The following RIN2 variants were observed in gnomAD, a reference collection of about 807,000 sequenced individuals.
RIN2 encodes the protein RAB5 interacting protein 2.
Under a neutral mutation model 78.0 loss-of-function variants are expected in RIN2, and 36 were observed. That is an observed-to-expected ratio of 0.46 (90% CI 0.35 to 0.61). RIN2 has a LOEUF of 0.61. Among genes scored for constraint, RIN2 ranks in the 20% least tolerant of loss-of-function variants. RIN2 has a pLI of 0.00. For missense variants in RIN2, 1,087 were observed against 1,159.7 expected (o/e 0.94, Z 0.91); for synonymous variants, 466 against 466.8 (o/e 1.00, Z 0.02).
At chr20:19,995,530 C>T (rs950006169) in intron 11 of RIN2, among the ~76,000 whole-genome samples, 4 of 152,128 alleles carry the variant, frequency 2.6e-5, no homozygotes, top group Admixed American at 2.6e-4. Flanking sequence ...AGGACAAAAA[C>T]TATGAAGGAA....
At chr20:19,834,876 C>T (rs2036360674) in intron 2 of RIN2, among the ~76,000 whole-genome samples, 1 of 151,098 alleles carries the variant, frequency 6.6e-6, no homozygotes. Flanking sequence ...TCCAGGAGGT[C>T]AAGGCTGCAA....
intron 3 of RIN2, chr20:19,934,438 A>G (rs533494655): frequency 2.0e-6 from 2 of 981,886 alleles, no homozygotes; most frequent in African/African-American, 3.5e-5. Context: ...GTGCATGGAT[A>G]GGTGGGGATC....
chr20:19,844,651 CTTCTTCTTCTTCTTCTTCCTT>C (rs2036702048), intron 2 of RIN2, among the ~76,000 whole-genome samples: 5 of 106,514 alleles, frequency 4.7e-5, no homozygotes, highest in Admixed American at 2.9e-4. Flanking sequence ...TCTTCTTCTT[CTTCTTCTTCTTCTTCTTCCTT>C]CTTCTTCTTC....
rs1034394004 is a variant in RIN2 at position 19,867,019 on chromosome 20, T to C, written c.-36-22547T>C. On this transcript the variant is annotated intron_variant, in intron 2 of 12. Transcript: ENST00000255006. ...TCTTGTTTATTTTTATTTTTTTTTT[T>C]GTTTAATGGAATGCATTTTTACATT... Among the ~76,000 whole-genome samples, 8 of 148,566 alleles carry C rather than the reference T, an allele frequency of 5.4e-5. No individual in the cohort carries two copies. In the East Asian group the frequency reaches 8.0e-4, roughly 15 times the overall value.
intron 9 of RIN2, among the ~76,000 whole-genome samples, chr20:19,985,304 G>T (rs1438050107): frequency 6.6e-6 from 1 of 152,182 alleles, no homozygotes; most frequent in Non-Finnish European, 1.5e-5. Flanking sequence ...AGTAATAAGA[G>T]TGAATCACTT....
At chr20:19,947,850 A>G (rs1397500859) in intron 4 of RIN2, among the ~76,000 whole-genome samples, 1 of 152,186 alleles carries the variant, frequency 6.6e-6, no homozygotes. Context: ...TGTAGATTCC[A>G]CCAGGATTGG....
chr20:19,788,629 C>A (rs891658752), intron 1 of RIN2, among the ~76,000 whole-genome samples: 3 of 150,126 alleles, frequency 2.0e-5, no homozygotes, highest in African/African-American at 7.4e-5. Flanking sequence ...TTAAAATTGC[C>A]ATTACTCAGG....
At chr20:19,929,979 A>G (rs2040375849) in intron 3 of RIN2, among the ~76,000 whole-genome samples, 1 of 151,968 alleles carries the variant, frequency 6.6e-6, no homozygotes, top group African/African-American at 2.4e-5. Flanking sequence ...TCTGAGAGGC[A>G]GGACTGGCCC....
chr20:19,790,256 C>T (rs2034846751), intron 1 of RIN2, among the ~76,000 whole-genome samples: 1 of 152,152 alleles, frequency 6.6e-6, no homozygotes, highest in Admixed American at 6.5e-5. Context: ...CATACACCCA[C>T]CGACACCAGC....
chr20:19,990,292 G>A lies in RIN2; in HGVS notation c.2049G>A (p.Thr683=), dbSNP rs753883815. 1.2e-5 allele frequency: 19 copies of A among 1,612,414 alleles called. No individual in the cohort carries two copies. Among genetic ancestry groups the A allele is most frequent in the Admixed American group, 3.3e-5 (2 of 59,946 alleles). The stretch of plus-strand genomic sequence containing the variant: ...TGCGGGTCTGCAAGCTCATTTACAC[G>A]GTCATGGAGAACAACTCAGGTGAGG... ...LLLRVCKLIY[T]VMENNSGRMY... Residue 683 remains threonine (T), a synonymous_variant, in exon 10 of 13, where the codon ACG becomes ACA. Transcript: ENST00000255006.
intron 3 of RIN2, among the ~76,000 whole-genome samples, chr20:19,908,214 A>C (rs369588970): frequency 6.6e-6 from 1 of 152,274 alleles, no homozygotes; most frequent in East Asian, 1.9e-4. Context: ...GACATCGGCC[A>C]GGCGCGGTGG....
intron 1 of RIN2, among the ~76,000 whole-genome samples, chr20:19,795,831 C>T (rs888738850): frequency 3.3e-5 from 5 of 152,192 alleles, no homozygotes; most frequent in Non-Finnish European, 7.3e-5. Context: ...ACAACACACA[C>T]TGAAGTAACA....
At chr20:19,837,599 A>G (rs1432100327) in intron 2 of RIN2, among the ~76,000 whole-genome samples, 1 of 152,196 alleles carries the variant, frequency 6.6e-6, no homozygotes, top group African/African-American at 2.4e-5. Context: ...ATTATAAGTT[A>G]AGTATATTAT....
chr20:19,898,383 A>G (rs2038832929), intron 3 of RIN2, among the ~76,000 whole-genome samples: 1 of 152,208 alleles, frequency 6.6e-6, no homozygotes, highest in African/African-American at 2.4e-5. Flanking sequence ...AAGAAGGAAG[A>G]TGTAGTTTTG....
At chr20:19,903,069 G>A (rs2039055168) in intron 3 of RIN2, among the ~76,000 whole-genome samples, 1 of 151,870 alleles carries the variant, frequency 6.6e-6, no homozygotes, top group Non-Finnish European at 1.5e-5. Flanking sequence ...CTCCAGCCTG[G>A]GCAACAGAGC....
intron 2 of RIN2, among the ~76,000 whole-genome samples, chr20:19,871,726 A>C (rs539187095): frequency 6.6e-6 from 1 of 152,306 alleles, no homozygotes; most frequent in South Asian, 2.1e-4. Flanking sequence ...CTCTACTCTG[A>C]AGGAGGTAGA....
At chr20:19,989,329 A>G (rs897673584) in intron 9 of RIN2, among the ~76,000 whole-genome samples, 1 of 142,328 alleles carries the variant, frequency 7.0e-6, no homozygotes, top group Admixed American at 7.6e-5. Flanking sequence ...GTTGGAGTGC[A>G]GTGGCACAAT....
intron 2 of RIN2, among the ~76,000 whole-genome samples, chr20:19,870,951 G>A (rs537724672): frequency 3.3e-5 from 5 of 152,212 alleles, no homozygotes; most frequent in African/African-American, 4.8e-5. Context: ...AGTTACTATC[G>A]GTCCCCTTGC....
intron 9 of RIN2, among the ~76,000 whole-genome samples, chr20:19,984,833 CCATTATGAAGCATGTGAT>C (rs2042575751): frequency 6.6e-6 from 1 of 152,126 alleles, no homozygotes; most frequent in Non-Finnish European, 1.5e-5. Context: ...CCAAAACACG[CCATTATGAAGCATGTGAT>C]TATATTACAT....
Sources: allele counts gnomAD v4.1 joint callset (sites outside exome capture counted in the v4.1 genomes callset), GRCh38; gene constraint gnomAD v4.1.1; transcripts MANE v1.5; gene names NCBI Gene and HGNC (gene_info 2026-07-23, HGNC 2026-07-21).